EPB41L2: variants seen among roughly 807,000 people sequenced by gnomAD.
EPB41L2 encodes the protein band 4.1-like protein 2.
EPB41L2 carries 43 observed loss-of-function variants against 113.0 expected under a neutral mutation model. The observed-to-expected ratio is 0.38, with a 90% CI of 0.30 to 0.49. The LOEUF is 0.49. Ranked by LOEUF, EPB41L2 falls within the 20% of genes least tolerant of loss-of-function variation. EPB41L2 has a pLI of 0.95. For synonymous variants in EPB41L2, 442 were observed against 436.7 expected, an observed-to-expected ratio of 1.01 and a Z score of -0.15; for missense variants, 1,147 against 1,223.4, an observed-to-expected ratio of 0.94 and a Z score of 0.93.
intron 3 of EPB41L2, among the ~76,000 whole-genome samples, chr6:130,932,021 T>C (rs1807069036): frequency 6.6e-6 from 1 of 152,186 alleles, no homozygotes; most frequent in Non-Finnish European, 1.5e-5. Context: ...TTTAAAGTGA[T>C]CAATAAAATG....
chr6:130,914,537 G>C (rs1003567857), intron 4 of EPB41L2, among the ~76,000 whole-genome samples: 3 of 152,044 alleles, frequency 2.0e-5, no homozygotes, highest in Non-Finnish European at 4.4e-5. Flanking sequence ...AATCCACCCG[G>C]CAAATTTTTT....
intron 1 of EPB41L2, among the ~76,000 whole-genome samples, chr6:130,991,911 T>A (rs1781955590): frequency 6.6e-6 from 1 of 152,168 alleles, no homozygotes; most frequent in Non-Finnish European, 1.5e-5. Context: ...AATTTGTTTC[T>A]CTTGGATCTA....
At chr6:130,961,623 G>T (rs899850735) in intron 1 of EPB41L2, among the ~76,000 whole-genome samples, 5 of 152,176 alleles carry the variant, frequency 3.3e-5, no homozygotes, top group South Asian at 2.1e-4. Context: ...CAAGCAAGGG[G>T]TTCATGCTAA....
chr6:130,916,049 T>G (rs1377302082), intron 4 of EPB41L2, among the ~76,000 whole-genome samples: 1 of 152,234 alleles, frequency 6.6e-6, no homozygotes, highest in African/African-American at 2.4e-5. Flanking sequence ...GTTATTGGCT[T>G]TCTTTGTAGC....
chr6:130,948,873 A>G (rs1178837749), intron 3 of EPB41L2, among the ~76,000 whole-genome samples: 1 of 152,250 alleles, frequency 6.6e-6, no homozygotes, highest in Non-Finnish European at 1.5e-5. Context: ...ATCTAGCCTC[A>G]AATTTTGTAA....
intron 3 of EPB41L2, among the ~76,000 whole-genome samples, chr6:130,930,681 T>C (rs1045668353): frequency 2.6e-5 from 4 of 152,086 alleles, no homozygotes; most frequent in Non-Finnish European, 4.4e-5. Context: ...GAAATTCTCA[T>C]AGACAAAAAT....
intron 5 of EPB41L2, among the ~76,000 whole-genome samples, chr6:130,908,138 G>C (rs1798264644): frequency 6.6e-6 from 1 of 152,182 alleles, no homozygotes; most frequent in South Asian, 2.1e-4. Context: ...AACAGCCACA[G>C]GCAAAACAAC....
chr6:130,903,927 G>A (rs1208400270), intron 6 of EPB41L2, among the ~76,000 whole-genome samples: 1 of 152,176 alleles, frequency 6.6e-6, no homozygotes, highest in Non-Finnish European at 1.5e-5. Context: ...TGCAATTCAA[G>A]TGTATGTTCT....
intron 4 of EPB41L2, among the ~76,000 whole-genome samples, chr6:130,921,488 A>C (rs6938309): frequency 0.78 from 119,107 of 152,008 alleles, 47,162 homozygotes; most frequent in East Asian, 1. Context: ...CTTTCCTATT[A>C]AGAGAGGCTG....
intron 1 of EPB41L2, among the ~76,000 whole-genome samples, chr6:131,046,701 T>C (rs1795529871): frequency 6.6e-6 from 1 of 152,192 alleles, no homozygotes; most frequent in South Asian, 2.1e-4. Context: ...CATTTCTTTT[T>C]TAAGGGGGAA....
At chr6:130,942,904 T>C (rs1454368529) in intron 3 of EPB41L2, among the ~76,000 whole-genome samples, 2 of 152,226 alleles carry the variant, frequency 1.3e-5, no homozygotes, top group Non-Finnish European at 2.9e-5. Flanking sequence ...GCTTCATCCA[T>C]GTCCCTGCAA....
At chr6:130,848,204 C>CAT (rs1777671132) in intron 19 of EPB41L2, among the ~76,000 whole-genome samples, 1 of 59,818 alleles carries the variant, frequency 1.7e-5, no homozygotes, top group African/African-American at 1.2e-4. Context: ...CTCTCTCACA[C>CAT]ACACACACAC....
intron 3 of EPB41L2, among the ~76,000 whole-genome samples, chr6:130,931,061 G>A (rs1006085726): frequency 2.6e-5 from 4 of 152,016 alleles, no homozygotes; most frequent in Admixed American, 1.3e-4. Context: ...AGGACAATAT[G>A]AAAGAACTTC....
intron 3 of EPB41L2, among the ~76,000 whole-genome samples, chr6:130,951,173 C>A (rs947305358): frequency 7.5e-6 from 1 of 133,300 alleles, no homozygotes; most frequent in Non-Finnish European, 1.6e-5. Context: ...AGGAAAATTG[C>A]TTGAACCCAG....
chr6:130,920,887 G>T (rs772532473), intron 4 of EPB41L2, among the ~76,000 whole-genome samples: 1 of 151,948 alleles, frequency 6.6e-6, no homozygotes, highest in South Asian at 2.1e-4. Context: ...GCTTACAAAC[G>T]TGTCCAACTT....
At chr6:130,904,568 C>G in intron 5 of EPB41L2, 28 bp from the exon 6 acceptor site, 1 of 1,434,220 alleles carries the variant, frequency 7.0e-7, no homozygotes, top group African/African-American at 1.4e-5. Flanking sequence ...CACAGTTATG[C>G]ACCCAATTAA....
rs141225212 is a variant in EPB41L2 at position 130,989,821 on chromosome 6, G to A, written c.-14-33322C>T. ...AGTGGATAAATTCAAGAAATATTCAGTTAGTAGAATGGTAAGACACATGGC... is the reference window on the plus strand; with the variant it reads ...AGTGGATAAATTCAAGAAATATTCAATTAGTAGAATGGTAAGACACATGGC... On this transcript the variant is annotated intron_variant, in intron 1 of 19. Coordinates refer to ENST00000337057, the MANE Select transcript of EPB41L2 (RefSeq NM_001431.4). 3.9e-5 allele frequency among the ~76,000 whole-genome samples: 6 copies of A among 152,278 alleles called. No homozygotes were observed. In the East Asian group the frequency reaches 1.2e-3, roughly 29 times the overall value.
intron 3 of EPB41L2, among the ~76,000 whole-genome samples, chr6:130,947,510 C>A (rs181042960): frequency 6.6e-6 from 1 of 152,302 alleles, no homozygotes. Flanking sequence ...ACAAGTATTT[C>A]TTTCCCATAT....
At chr6:130,884,182 A>C (rs1562386191) in intron 12 of EPB41L2, among the ~76,000 whole-genome samples, 1 of 151,852 alleles carries the variant, frequency 6.6e-6, no homozygotes, top group Non-Finnish European at 1.5e-5. Context: ...AAAAATACAA[A>C]ATTAGCCGGG....
Sources: allele counts gnomAD v4.1 joint callset (sites outside exome capture counted in the v4.1 genomes callset), GRCh38; gene constraint gnomAD v4.1.1; transcripts MANE v1.5; gene names NCBI Gene and HGNC (gene_info 2026-07-23, HGNC 2026-07-21).